Variants in PHACTR3 observed in about 807,000 individuals in gnomAD.
PHACTR3 encodes the protein protein phosphatase 1, regulatory subunit 123.
A neutral mutation model predicts 66.8 loss-of-function variants in PHACTR3; 16 were observed. The observed-to-expected ratio is 0.24, with a 90% CI of 0.16 to 0.36. PHACTR3 has a LOEUF of 0.36. PHACTR3 is among the 10% of genes least tolerant of loss of function. The pLI is 1.00. For missense variants in PHACTR3, 647 were observed against 719.9 expected, an observed-to-expected ratio of 0.90 and a Z score of 1.16; for synonymous variants, 323 against 292.1, an observed-to-expected ratio of 1.11 and a Z score of -1.08.
Position 59,707,487 on chromosome 20 carries a change from G to T in PHACTR3, c.119-35620G>T, listed in dbSNP as rs571356278. Reference sequence around the variant, plus strand: ...TTTTTTTTTTTTTTTTTGAGGCGGAGTCTCTCTCTGTCTCCCAGGTTGGAG... The same window carrying T: ...TTTTTTTTTTTTTTTTTGAGGCGGATTCTCTCTCTGTCTCCCAGGTTGGAG... On this transcript the variant is annotated intron_variant, in intron 1 of 12. Coordinates refer to ENST00000371015, the MANE Select transcript of PHACTR3 (RefSeq NM_080672.5). Among the ~76,000 whole-genome samples the T allele has an allele frequency of 7.1e-5, 10 of 140,094 alleles. No homozygotes were observed. In the East Asian group the frequency reaches 1.6e-3, roughly 23 times the overall value. The allele number at this position is 140,094 out of a possible 152,430, so 91.9% of individuals were successfully genotyped here.
At chr20:59,795,536 T>A (rs2041229743) in intron 7 of PHACTR3, among the ~76,000 whole-genome samples, 1 of 152,164 alleles carries the variant, frequency 6.6e-6, no homozygotes, top group Non-Finnish European at 1.5e-5. Flanking sequence ...TATTTCTCTG[T>A]TCATTTTTTG....
At chr20:59,805,014 A>G (rs548013354) in intron 7 of PHACTR3, among the ~76,000 whole-genome samples, 1 of 152,224 alleles carries the variant, frequency 6.6e-6, no homozygotes, top group Non-Finnish European at 1.5e-5. Context: ...GCAAAACTGC[A>G]ACCTACATCG....
intron 1 of PHACTR3, among the ~76,000 whole-genome samples, chr20:59,632,422 C>T (rs142046755): frequency 3.3e-4 from 50 of 152,250 alleles, no homozygotes; most frequent in East Asian, 9.6e-4. Context: ...TCAGTTGAAG[C>T]GCTTGGAAAG....
rs551576571 is a variant in PHACTR3, at chr20:59,681,760, C to G, written c.119-61347C>G. ...GCATGGCGGCTCACCCCTGTAATCT[C>G]AGCTCTTTGGGAGGCCGAGGTGGGT... On this transcript the variant is annotated intron_variant, in intron 1 of 12. Coordinates refer to ENST00000371015, the MANE Select transcript of PHACTR3 (RefSeq NM_080672.5). 6.0e-4 allele frequency among the ~76,000 whole-genome samples: 92 copies of G among 152,376 alleles called. 1 individual carries two copies. The highest frequency in any genetic ancestry group is 2.1e-3 in the African/African-American group (88 of 41,590).
intron 9 of PHACTR3, among the ~76,000 whole-genome samples, chr20:59,838,780 G>A (rs2059009081): frequency 6.6e-6 from 1 of 152,140 alleles, no homozygotes; most frequent in African/African-American, 2.4e-5. Context: ...TATGAGTATA[G>A]CAGTCCTGAT....
intron 1 of PHACTR3, among the ~76,000 whole-genome samples, chr20:59,634,556 T>G (rs1000828919): frequency 1.8e-4 from 28 of 152,220 alleles, no homozygotes; most frequent in African/African-American, 5.1e-4. Context: ...TGCCTGTGGT[T>G]GTTTTCACAC....
chr20:59,646,934 C>A (rs1212184283), intron 1 of PHACTR3, among the ~76,000 whole-genome samples: 1 of 152,170 alleles, frequency 6.6e-6, no homozygotes, highest in East Asian at 1.9e-4. Context: ...TGGGACCAGG[C>A]AGGGCTCATT....
chr20:59,623,174 A>G (rs6100526), intron 1 of PHACTR3, among the ~76,000 whole-genome samples: 3,180 of 151,962 alleles, frequency 0.021, 110 homozygotes, highest in African/African-American at 0.073. Context: ...CTGGAAAAGT[A>G]GAACGCGCGC....
At chr20:59,588,946 C>T (rs1399999018) in intron 1 of PHACTR3, among the ~76,000 whole-genome samples, 1 of 152,222 alleles carries the variant, frequency 6.6e-6, no homozygotes, top group African/African-American at 2.4e-5. Flanking sequence ...TCCAGGGGAG[C>T]AGGAAGTGCT....
intron 2 of PHACTR3, among the ~76,000 whole-genome samples, chr20:59,747,097 T>G (rs142488915): frequency 4.2e-4 from 64 of 152,210 alleles, no homozygotes; most frequent in African/African-American, 1.5e-3. Flanking sequence ...GACAAGGTGG[T>G]GGCCGTCGCT....
At chr20:59,601,786 T>C (rs1350907562), upstream of PHACTR3, among the ~76,000 whole-genome samples, 1 of 152,240 alleles carries the variant, frequency 6.6e-6, no homozygotes, top group African/African-American at 2.4e-5. Context: ...AAGCTCCAGC[T>C]CTACCTACCT....
At chr20:59,808,362 C>A (rs1466823798) in intron 8 of PHACTR3, among the ~76,000 whole-genome samples, 2 of 152,228 alleles carry the variant, frequency 1.3e-5, no homozygotes, top group African/African-American at 4.8e-5. Context: ...TTCACCAGGC[C>A]AGATGGCAGG....
intron 1 of PHACTR3, among the ~76,000 whole-genome samples, chr20:59,716,125 T>A (rs2038082042): frequency 6.6e-6 from 1 of 152,160 alleles, no homozygotes; most frequent in South Asian, 2.1e-4. Context: ...CCACCCCATG[T>A]TTTCAGTCTC....
At chr20:59,740,730 C>T (rs977125357) in intron 1 of PHACTR3, among the ~76,000 whole-genome samples, 2 of 152,196 alleles carry the variant, frequency 1.3e-5, no homozygotes, top group African/African-American at 4.8e-5. Context: ...ACTCAAAGGC[C>T]CTGGGTTAGA....
intron 4 of PHACTR3, among the ~76,000 whole-genome samples, chr20:59,764,906 G>C (rs756297533): frequency 2.6e-5 from 4 of 152,230 alleles, no homozygotes; most frequent in Non-Finnish European, 4.4e-5. Context: ...GCTACTGAGA[G>C]CTCACCCCAT....
At chr20:59,722,513 G>A (rs1241383378) in intron 1 of PHACTR3, among the ~76,000 whole-genome samples, 2 of 152,174 alleles carry the variant, frequency 1.3e-5, no homozygotes, top group Non-Finnish European at 1.5e-5. Context: ...TGAGGCCAGA[G>A]GCTCCTCAGG....
intron 1 of PHACTR3, among the ~76,000 whole-genome samples, chr20:59,622,708 C>G (rs2034288004): frequency 6.6e-6 from 1 of 152,004 alleles, no homozygotes; most frequent in Non-Finnish European, 1.5e-5. Flanking sequence ...ATGAGGGAGA[C>G]CAGGGGTTAG....
At chr20:59,752,985 A>C (rs1005360052) in intron 3 of PHACTR3, among the ~76,000 whole-genome samples, 2 of 152,084 alleles carry the variant, frequency 1.3e-5, no homozygotes, top group African/African-American at 4.8e-5. Flanking sequence ...GGCTGGTTTC[A>C]GTTTTCAGCT....
At chr20:59,593,495 T>C (rs1034536999) in intron 1 of PHACTR3, among the ~76,000 whole-genome samples, 28 of 152,202 alleles carry the variant, frequency 1.8e-4, no homozygotes, top group African/African-American at 6.3e-4. Flanking sequence ...GTAGACTTTT[T>C]TTTTTAATGA....
Sources: gnomAD v4.1 joint callset for allele counts (sites outside exome capture counted in the v4.1 genomes callset) on GRCh38, gnomAD v4.1.1 for gene constraint, MANE v1.5 for transcripts, NCBI Gene and HGNC (gene_info 2026-07-23, HGNC 2026-07-21) for gene names.